C5AR2: variants seen among roughly 807,000 people sequenced by gnomAD.
C5AR2 encodes C5a anaphylatoxin chemotactic receptor 2.
For missense variants in C5AR2, 458 were observed against 467.5 expected (o/e 0.98, Z 0.19); for synonymous variants, 224 against 216.5 (o/e 1.03, Z -0.30).
intron 1 of C5AR2, among the ~76,000 whole-genome samples, chr19:47,340,129 A>G (rs2122169444): frequency 6.6e-6 from 1 of 151,438 alleles, no homozygotes; most frequent in African/African-American, 2.4e-5. Context: ...TATGTTTTAA[A>G]AAATTTTCGT....
Position 47,334,582 on chromosome 19 carries a change from G to A in C5AR2, c.-16+2233G>A, listed in dbSNP as rs908055352. Among the ~76,000 whole-genome samples, 7 of 152,188 alleles carry A rather than the reference G, an allele frequency of 4.6e-5. No individual in the cohort carries two copies. The South Asian group carries it at 8.3e-4, about 18-fold the overall frequency. On this transcript the variant is annotated intron_variant, in intron 1 of 1. Transcript: ENST00000595464. ...TAGGAGGTAGAGGCTGTGGTGAGCC[G>A]AGGTTGAACCACTGAACTCAGCTTG...
At chr19:47,335,806 A>AAAAAAAAAATTTT (rs2059355451) in intron 1 of C5AR2, among the ~76,000 whole-genome samples, 1 of 130,088 alleles carries the variant, frequency 7.7e-6, no homozygotes, top group African/African-American at 2.9e-5. Flanking sequence ...AAAAAAAGAA[A>AAAAAAAAAATTTT]GTTTTCGTTT....
At position 47,340,855 on chromosome 19, in the gene C5AR2, G is replaced by T. The variant is rs150108068; in HGVS notation, c.56G>T (p.Arg19Leu). ...GGGGATTACAGCGACCTCTCGGACC[G>T]CCCTGTGGACTGCCTGGATGGCGCC... ...EYGDYSDLSD[R>L]PVDCLDGACL... The change falls in exon 2 of 2, where the codon CGC (arginine) becomes CTC (leucine). Residue 19 changes from arginine (R) to leucine (L), a missense_variant. Arg to Leu is a moderately radical substitution (Grantham distance 102, BLOSUM62 -2). Transcript: ENST00000595464. 3.5e-5 allele frequency: 56 copies of T among 1,613,582 alleles called. No homozygotes were observed. The African/African-American group carries it at 6.8e-4, about 20-fold the overall frequency.
At chr19:47,339,188 C>T (rs190925692) in intron 1 of C5AR2, among the ~76,000 whole-genome samples, 1 of 152,110 alleles carries the variant, frequency 6.6e-6, no homozygotes, top group Non-Finnish European at 1.5e-5. Flanking sequence ...TAGATTATGT[C>T]GCTTCCTTGC....
intron 1 of C5AR2, among the ~76,000 whole-genome samples, chr19:47,332,702 A>G (rs2059344180): frequency 6.6e-6 from 1 of 151,858 alleles, no homozygotes; most frequent in African/African-American, 2.4e-5. Context: ...TTACAAGCGC[A>G]TGCCACCATG....
At position 47,341,121 on chromosome 19, in the gene C5AR2, C is replaced by T. The variant is rs759726681; in HGVS notation, c.322C>T (p.Arg108Trp). Reference sequence around the variant, plus strand: ...CTGGCCGTATGGTGCAGTGGGCTGTCGGGCGCTGCCCTCCATCATCCTGCT... The same window carrying T: ...CTGGCCGTATGGTGCAGTGGGCTGTTGGGCGCTGCCCTCCATCATCCTGCT... ...GHWPYGAVGC[R>W]ALPSIILLTM... Residue 108 changes from arginine (R) to tryptophan (W), a missense_variant, in exon 2 of 2, where the codon CGG becomes TGG. Transcript: ENST00000595464. This position sits in a 1 kb window ranked among gnomAD's most constrained non-coding sequence, Gnocchi z 4.6. The T allele has an allele frequency of 1.3e-5, 21 of 1,602,932 alleles. No homozygotes were observed. Among genetic ancestry groups the T allele is most frequent in the Non-Finnish European group, 1.7e-5 (20 of 1,179,876 alleles).
At chr19:47,340,706 C>A in intron 1 of C5AR2, 79 bp from the exon 2 acceptor site, 5 of 1,339,080 alleles carry the variant, frequency 3.7e-6, no homozygotes, top group Non-Finnish European at 5.3e-6. Context: ...GCTGGTGGGC[C>A]GGGCTGATGG....
intron 1 of C5AR2, among the ~76,000 whole-genome samples, chr19:47,333,740 A>G: frequency 6.6e-6 from 1 of 151,796 alleles, no homozygotes; most frequent in East Asian, 1.9e-4. Flanking sequence ...CACCGCGCCC[A>G]GCTAATTTTT....
At chr19:47,340,149 G>T (rs2059376780) in intron 1 of C5AR2, among the ~76,000 whole-genome samples, 1 of 151,674 alleles carries the variant, frequency 6.6e-6, no homozygotes. Flanking sequence ...TAGAGATGGG[G>T]TCTCCCTATG....
Position 47,341,473 on chromosome 19 carries a change from G to T in C5AR2, c.674G>T (p.Cys225Phe). The change falls in exon 2 of 2, where the codon TGC becomes TTC. Residue 225 changes from cysteine (C) to phenylalanine (F), a missense_variant. By Grantham distance (205) the Cys-to-Phe change is radical. Transcript: ENST00000595464. The surrounding 1 kb of genome is among the most constrained non-coding windows in gnomAD (Gnocchi z 4.6). ...AVASCHSALL[C>F]WAARRCRPLG... ...GCCAGCTGCCACAGTGCCCTCCTGT[G>T]CTGGGCAGCCCGACGCTGCCGGCCG... 1 of 1,611,852 alleles carries T rather than the reference G, an allele frequency of 6.2e-7. No individual in the cohort carries two copies. The highest frequency in any genetic ancestry group is 1.1e-5 in the South Asian group (1 of 91,072).
chr19:47,336,462 T>C (rs1373012901), intron 1 of C5AR2, among the ~76,000 whole-genome samples: 3 of 144,066 alleles, frequency 2.1e-5, no homozygotes, highest in African/African-American at 8.2e-5. Flanking sequence ...CCTTCCTTCC[T>C]TCCTTCCTTC....
At position 47,341,919 on chromosome 19, in the gene C5AR2, C is replaced by A. The variant is rs1969046350; in HGVS notation, c.*106C>A. 1 of 1,080,074 alleles carries A rather than the reference C, an allele frequency of 9.3e-7. No homozygotes were observed. Among genetic ancestry groups the A allele is most frequent in the Non-Finnish European group, 1.4e-6 (1 of 739,578 alleles). The allele number at this position is 1,080,074 out of a possible 1,614,324, so 66.9% of individuals were successfully genotyped here. ...AATGATGTCTTCATTTTATTCCTTC[C>A]TTCATTCAACAGATATCCATCATGC... On this transcript the variant is annotated 3_prime_UTR_variant, in exon 2 of 2. Transcript: ENST00000595464. The surrounding 1 kb of genome is among the most constrained non-coding windows in gnomAD (Gnocchi z 4.6).
intron 1 of C5AR2, among the ~76,000 whole-genome samples, chr19:47,335,753 CA>C (rs1372686336): frequency 2.1e-5 from 2 of 96,744 alleles, no homozygotes; most frequent in African/African-American, 8.2e-5. Context: ...GCCTGGGCGA[CA>C]GAGTGATACT....
At position 47,342,462 on chromosome 19, in the gene C5AR2, A is replaced by G. The variant is rs932330879; in HGVS notation, c.*649A>G. 6.7e-6 allele frequency: 1 copy of G among 149,710 alleles called. No homozygotes were observed. Among genetic ancestry groups the G allele is most frequent in the African/African-American group, 2.4e-5 (1 of 41,094 alleles). 9.3% of individuals were successfully genotyped at this position (149,710 alleles called of 1,614,324 possible). A position where few individuals can be genotyped will look rare whatever the true frequency, so the allele number is the denominator to read the frequency against. On this transcript the variant is annotated 3_prime_UTR_variant, in exon 2 of 2. Coordinates refer to ENST00000595464, the MANE Select transcript of C5AR2 (RefSeq NM_001271749.2). ...CAGTGGCACAATCTCGGCTCACTGC[A>G]AGCTCCGCCTCCTGAGTTCACGCCA... is the stretch of plus-strand genomic sequence containing the variant.
intron 1 of C5AR2, among the ~76,000 whole-genome samples, chr19:47,332,627 TGCCATCTTGGCTCACC>T (rs2059343911): frequency 6.6e-6 from 1 of 152,096 alleles, no homozygotes; most frequent in Non-Finnish European, 1.5e-5. Flanking sequence ...AGTGCAATGG[TGCCATCTTGGCTCACC>T]GCAACCTCCA....
In C5AR2 at chr19:47,340,940, G is replaced by A; in HGVS notation, c.141G>A (p.Leu47=). Residue 47 remains leucine, a synonymous_variant, in exon 2 of 2, where the codon CTG becomes CTA. Transcript: ENST00000595464. ...TCCCACTGTATGCCGCCATCTTCCTGGTGGGGGTGCCGGGCAATGCCATGG... is the reference window on the plus strand; with the variant it reads ...TCCCACTGTATGCCGCCATCTTCCTAGTGGGGGTGCCGGGCAATGCCATGG... ...APLPLYAAIF[L]VGVPGNAMVA... The A allele has an allele frequency of 1.9e-6, 3 of 1,612,218 alleles. No homozygotes were observed. The highest frequency in any genetic ancestry group is 2.5e-6 in the Non-Finnish European group (3 of 1,179,940).
chr19:47,341,894 A>C lies in C5AR2; in HGVS notation c.*81A>C. The C allele has an allele frequency of 2.4e-5, 31 of 1,279,856 alleles. No individual in the cohort carries two copies. Among genetic ancestry groups the C allele is most frequent in the Non-Finnish European group, 3.1e-5 (28 of 904,858 alleles). The allele number at this position is 1,279,856 out of a possible 1,614,324, so 79.3% of individuals were successfully genotyped here. On this transcript the variant is annotated 3_prime_UTR_variant, in exon 2 of 2. Coordinates refer to ENST00000595464, the MANE Select transcript of C5AR2 (RefSeq NM_001271749.2). The surrounding 1 kb of genome is among the most constrained non-coding windows in gnomAD (Gnocchi z 4.6). The stretch of plus-strand genomic sequence containing the variant: ...CAGGCATAGCTGGATCCAGGAGCTC[A>C]ATGATGTCTTCATTTTATTCCTTCC...
intron 1 of C5AR2, among the ~76,000 whole-genome samples, chr19:47,336,721 C>T (rs113966316): frequency 0.038 from 5,780 of 151,876 alleles, 163 homozygotes; most frequent in Non-Finnish European, 0.056. Flanking sequence ...GTTGCCTAGG[C>T]TGGTCTTGAA....
Position 47,341,896 on chromosome 19 carries a change from T to A in C5AR2, c.*83T>A. On this transcript the variant is annotated 3_prime_UTR_variant, in exon 2 of 2. Coordinates refer to ENST00000595464, the MANE Select transcript of C5AR2 (RefSeq NM_001271749.2). The surrounding 1 kb of genome is among the most constrained non-coding windows in gnomAD (Gnocchi z 4.6). ...GGCATAGCTGGATCCAGGAGCTCAA[T>A]GATGTCTTCATTTTATTCCTTCCTT... The A allele has an allele frequency of 7.8e-7, 1 of 1,278,134 alleles. No homozygotes were observed. The highest frequency in any genetic ancestry group is 1.3e-5 in the South Asian group (1 of 74,096). 79.2% of individuals were successfully genotyped at this position (1,278,134 alleles called of 1,614,324 possible).
Sources: allele counts gnomAD v4.1 joint callset (sites outside exome capture counted in the v4.1 genomes callset), GRCh38; gene constraint gnomAD v4.1.1; non-coding constraint Gnocchi (gnomAD v3.1); transcripts MANE v1.5; gene names NCBI Gene and HGNC (gene_info 2026-07-23, HGNC 2026-07-21).